LRRN4: variants seen among roughly 807,000 people sequenced by gnomAD.
The protein encoded by LRRN4 is leucine rich repeat neuronal 4.
A neutral mutation model predicts 22.3 loss-of-function variants in LRRN4; 26 were observed. The observed-to-expected ratio is 1.16, with a 90% CI of 0.85 to 1.62. The LOEUF (loss-of-function observed/expected upper bound fraction) is 1.62. Ranked by LOEUF, LRRN4 falls within the 40% of genes most tolerant of loss-of-function variation. The probability of loss-of-function intolerance (pLI) is 0.00; values close to 1 mark genes in which losing one functional copy is unlikely to be tolerated. For synonymous variants in LRRN4, 496 were observed against 486.2 expected (o/e 1.02, Z -0.26); for missense variants, 1,070 against 1,008.5 (o/e 1.06, Z -0.83).
In LRRN4 at chr20:6,042,082, G is replaced by A. The variant is rs1173590734; in HGVS notation, c.1163C>T (p.Thr388Ile). The A allele has an allele frequency of 1.1e-5, 18 of 1,614,028 alleles. No homozygotes were observed. The South Asian group carries it at 2.0e-4, about 18-fold the overall frequency. ...GGCGGGGGCTGCGCTGGGCGCGACG[G>A]TGGTACCCTGTGCGTAGGTGGAGCG... The part of the protein sequence containing the change: ...FNRSTYAQGT[T>I]VAPSAAPATR... The change falls in exon 5 of 5, where the codon ACC (threonine) becomes ATC (isoleucine). Residue 388 changes from threonine to isoleucine, a missense_variant. Thr to Ile is a moderately conservative substitution (Grantham distance 89). Transcript: ENST00000378858.
chr20:6,051,021 C>G lies in LRRN4; in HGVS notation c.656-38G>C, dbSNP rs79597363. The G allele has an allele frequency of 2.5e-6, 4 of 1,590,592 alleles. No individual in the cohort carries two copies. In the East Asian group the frequency reaches 8.9e-5, roughly 36 times the overall value. Reference sequence around the variant, plus strand: ...AGGGAAACTGCCAACTACTCCAGAACGCACAAACCCAGGAGGCCAGCACGG... The same window carrying G: ...AGGGAAACTGCCAACTACTCCAGAAGGCACAAACCCAGGAGGCCAGCACGG... On this transcript the variant is annotated intron_variant, in intron 2 of 4. Coordinates refer to ENST00000378858, the MANE Select transcript of LRRN4 (RefSeq NM_152611.5).
chr20:6,053,287 C>T (rs527920715), intron 1 of LRRN4, among the ~76,000 whole-genome samples: 5 of 152,162 alleles, frequency 3.3e-5, no homozygotes, highest in South Asian at 2.1e-4. Context: ...TCAGTTACCC[C>T]GCTTTTCCCC....
intron 3 of LRRN4, among the ~76,000 whole-genome samples, chr20:6,046,775 C>A (rs979028911): frequency 2.0e-5 from 3 of 148,644 alleles, no homozygotes; most frequent in Non-Finnish European, 4.5e-5. Context: ...ATGTATGTGC[C>A]ATTTATATTA....
At chr20:6,048,224 G>C (rs117807751) in intron 3 of LRRN4, among the ~76,000 whole-genome samples, 14,994 of 152,012 alleles carry the variant, frequency 0.099, 888 homozygotes, top group Middle Eastern at 0.21. Flanking sequence ...CATTCTCCTG[G>C]TTTTTCTGCT....
In LRRN4 at chr20:6,052,700, C is replaced by G. The variant is rs1981293335; in HGVS notation, c.100G>C (p.Gly34Arg). Residue 34 changes from glycine to arginine, a missense_variant, in exon 2 of 5, where the codon GGC becomes CGC. Coordinates refer to ENST00000378858, the MANE Select transcript of LRRN4 (RefSeq NM_152611.5). ...KVPLFRVTQQ[G>R]PWGSSGSNAT... ...TTGCTGCCACTGCTCCCCCAGGGGC[C>G]CTGCTGAGTGACCCGGAAGAGCGGG... 1.3e-6 allele frequency: 2 copies of G among 1,571,328 alleles called. No individual in the cohort carries two copies. The highest frequency in any genetic ancestry group is 2.3e-5 in the South Asian group (2 of 86,998).
chr20:6,042,162 C>G lies in LRRN4; in HGVS notation c.1083G>C (p.Val361=), dbSNP rs757298264. 6.2e-7 allele frequency: 1 copy of G among 1,614,166 alleles called. No individual in the cohort carries two copies. The highest frequency in any genetic ancestry group is 1.1e-5 in the South Asian group (1 of 91,088). Residue 361 remains valine (V), a synonymous_variant, in exon 5 of 5, where the codon GTG becomes GTC. Coordinates refer to ENST00000378858, the MANE Select transcript of LRRN4 (RefSeq NM_152611.5). ...ASLSLSQLPG[V]CQSDQSTTLG... ...GAGTGGTGCTTTGGTCGGACTGGCA[C>G]ACTCCGGGCAGCTGGGAGAGTGACA...
intron 2 of LRRN4, 53 bp downstream of exon 2, chr20:6,052,092 G>T: frequency 6.6e-7 from 1 of 1,520,718 alleles, no homozygotes; most frequent in South Asian, 1.2e-5. Context: ...GAGCGCACGC[G>T]CAGCCTGGCT....
At chr20:6,048,589 A>G (rs1981165063) in intron 3 of LRRN4, among the ~76,000 whole-genome samples, 1 of 152,214 alleles carries the variant, frequency 6.6e-6, no homozygotes, top group Non-Finnish European at 1.5e-5. Context: ...AAATGGGAAT[A>G]ATGACTGAAT....
intron 3 of LRRN4, 37 bp downstream of exon 3, chr20:6,050,742 C>A: frequency 6.3e-7 from 1 of 1,591,176 alleles, no homozygotes; most frequent in South Asian, 1.1e-5. Flanking sequence ...GGGCAAAAAT[C>A]AGTCATGTGA....
At position 6,049,024 on chromosome 20, in the gene LRRN4, C is replaced by T. The variant is rs376286862; in HGVS notation, c.860+1755G>A. 5.3e-5 allele frequency among the ~76,000 whole-genome samples: 8 copies of T among 152,328 alleles called. No individual in the cohort carries two copies. In the East Asian group the frequency reaches 5.8e-4, roughly 11 times the overall value. On this transcript the variant is annotated intron_variant, in intron 3 of 4. Coordinates refer to ENST00000378858, the MANE Select transcript of LRRN4 (RefSeq NM_152611.5). The stretch of plus-strand genomic sequence containing the variant: ...GGAAATAAACAATAGGCTCCACAGA[C>T]GTAAGTGTCCACTGACTTGGCAGCT...
chr20:6,052,578 C>G lies in LRRN4; in HGVS notation c.222G>C (p.Pro74=). 5 of 1,581,656 alleles carry G rather than the reference C, an allele frequency of 3.2e-6. No homozygotes were observed. The highest frequency in any genetic ancestry group is 1.1e-5 in the South Asian group (1 of 88,286). Residue 74 remains proline, a synonymous_variant, in exon 2 of 5, where the codon CCG becomes CCC. Transcript: ENST00000378858. ...RNLERLPGCL[P]RTLRSLDASH... is the part of the protein sequence containing the mutation. The stretch of plus-strand genomic sequence containing the variant: ...TGGCGTCGAGGCTGCGCAGTGTGCG[C>G]GGTAGGCAGCCGGGCAGGCGCTCCA...
chr20:6,045,336 G>C (rs1345671889), intron 3 of LRRN4, among the ~76,000 whole-genome samples: 1 of 148,350 alleles, frequency 6.7e-6, no homozygotes, highest in Non-Finnish European at 1.5e-5. Flanking sequence ...TACTCGGGAG[G>C]CTGAGGCAGG....
chr20:6,041,270 A>G lies in LRRN4; in HGVS notation c.1975T>C (p.Leu659=). 6.3e-7 allele frequency: 1 copy of G among 1,590,598 alleles called. No homozygotes were observed. The highest frequency in any genetic ancestry group is 8.5e-7 in the Non-Finnish European group (1 of 1,170,872). The change falls in exon 5 of 5, where the codon TTG becomes CTG. Residue 659 remains leucine (L), a synonymous_variant. Transcript: ENST00000378858. The surrounding 1 kb of genome is among the most constrained non-coding windows in gnomAD (Gnocchi z 9.4). ...VCVLAANRAG[L]SQPRSSGWRS... ...CAGCCCGAAGACCGTGGCTGGCTCA[A>G]GCCCGCCCTGTTGGCCGCCAGCACG...
At chr20:6,048,387 C>G (rs1343652113) in intron 3 of LRRN4, among the ~76,000 whole-genome samples, 1 of 152,144 alleles carries the variant, frequency 6.6e-6, no homozygotes, top group African/African-American at 2.4e-5. Context: ...CAAATATCAT[C>G]TTTATACTCC....
At position 6,052,264 on chromosome 20, in the gene LRRN4, C is replaced by G. The variant is rs569699737; in HGVS notation, c.536G>C (p.Cys179Ser). 1 of 1,552,680 alleles carries G rather than the reference C, an allele frequency of 6.4e-7. No individual in the cohort carries two copies. The highest frequency in any genetic ancestry group is 1.2e-5 in the South Asian group (1 of 84,352). ...FPALQLLNLS[C>S]TALGRGAQGG... ...CTGGGCTCCGCGACCCAGCGCGGTG[C>G]AGGAGAGGTTGAGGAGCTGCAGCGC... The change falls in exon 2 of 5, where the codon TGC becomes TCC. Residue 179 changes from cysteine (C) to serine (S), a missense_variant. Coordinates refer to ENST00000378858, the MANE Select transcript of LRRN4 (RefSeq NM_152611.5).
intron 3 of LRRN4, among the ~76,000 whole-genome samples, 167 bp downstream of exon 3, chr20:6,050,612 G>A (rs1981219687): frequency 6.6e-6 from 1 of 152,220 alleles, no homozygotes; most frequent in Non-Finnish European, 1.5e-5. Context: ...GGACTATCTG[G>A]GACCTACCCA....
chr20:6,050,860 C>T lies in LRRN4; in HGVS notation c.779G>A (p.Cys260Tyr). The T allele has an allele frequency of 6.2e-7, 1 of 1,614,126 alleles. No homozygotes were observed. The highest frequency in any genetic ancestry group is 1.1e-5 in the South Asian group (1 of 91,084). Reference sequence around the variant, plus strand: ...AGAAGCAAGTGCTGGGGAGTCCTGACAGTCCAGCTGCTGCAGGTTGGGGGT... The same window carrying T: ...AGAAGCAAGTGCTGGGGAGTCCTGATAGTCCAGCTGCTGCAGGTTGGGGGT... ...KMTPNLQQLDCQDSPALASVA... is the reference protein window; with the variant it reads ...KMTPNLQQLDYQDSPALASVA... The change falls in exon 3 of 5, where the codon TGT becomes TAT. Residue 260 changes from cysteine (C) to tyrosine (Y), a missense_variant. Coordinates refer to ENST00000378858, the MANE Select transcript of LRRN4 (RefSeq NM_152611.5).
At position 6,052,533 on chromosome 20, in the gene LRRN4, G is replaced by A. The variant is rs751590139; in HGVS notation, c.267C>T (p.Ala89=). 4 of 1,588,166 alleles carry A rather than the reference G, an allele frequency of 2.5e-6. No individual in the cohort carries two copies. The highest frequency in any genetic ancestry group is 2.3e-5 in the East Asian group (1 of 44,312). The change falls in exon 2 of 5, where the codon GCC becomes GCT. Residue 89 remains alanine, a synonymous_variant. Coordinates refer to ENST00000378858, the MANE Select transcript of LRRN4 (RefSeq NM_152611.5). ...SLDASHNLLR[A]LSTSELGHLE... ...GGTGGCCGAGCTCGGAAGTGCTCAG[G>A]GCGCGCAGCAGGTTGTGGCTGGCGT...
rs1400173366 is a variant in LRRN4 at position 6,052,459 on chromosome 20, A to G, written c.341T>C (p.Leu114Pro). 3 of 1,559,882 alleles carry G rather than the reference A, an allele frequency of 1.9e-6. No individual in the cohort carries two copies. The highest frequency in any genetic ancestry group is 1.9e-5 in the Admixed American group (1 of 53,744). ...CGCCGGCCCACCCGGGCCCCAGCGC[A>G]GCGCGGCGATGCGGTTGTGGCGCAG... ...LTLRHNRIAALRWGPGGPAGL... is the reference protein window; with the variant it reads ...LTLRHNRIAAPRWGPGGPAGL... The change falls in exon 2 of 5, where the codon CTG becomes CCG. Residue 114 changes from leucine to proline, a missense_variant. Leu to Pro is a moderately conservative substitution (Grantham distance 98). Coordinates refer to ENST00000378858, the MANE Select transcript of LRRN4 (RefSeq NM_152611.5).
Sources: allele counts gnomAD v4.1 joint callset (sites outside exome capture counted in the v4.1 genomes callset), GRCh38; gene constraint gnomAD v4.1.1; non-coding constraint Gnocchi (gnomAD v3.1); transcripts MANE v1.5; gene names NCBI Gene and HGNC (gene_info 2026-07-23, HGNC 2026-07-21).